Variants in TRPM3 observed in about 807,000 individuals in gnomAD.
TRPM3 encodes long transient receptor potential channel 3.
A neutral mutation model predicts 181.2 loss-of-function variants in TRPM3; 77 were observed. The ratio of observed to expected loss-of-function variants is 0.42; its 90% CI spans 0.35 to 0.51. TRPM3 has a LOEUF of 0.51. TRPM3 is among the 20% of genes least tolerant of loss of function. The pLI is 0.01. For synonymous variants in TRPM3, 745 were observed against 796.4 expected, an observed-to-expected ratio of 0.94 and a Z score of 1.09; for missense variants, 1,759 against 2,196.7, an observed-to-expected ratio of 0.80 and a Z score of 3.98.
At chr9:71,212,748 A>C (rs1170527955) in intron 1 of TRPM3, among the ~76,000 whole-genome samples, 1 of 152,234 alleles carries the variant, frequency 6.6e-6, no homozygotes, top group Non-Finnish European at 1.5e-5. Context: ...TTTCTTAAAG[A>C]AAAAGGGCTG....
At chr9:71,026,257 G>A (rs956038019) in intron 1 of TRPM3, among the ~76,000 whole-genome samples, 1 of 152,150 alleles carries the variant, frequency 6.6e-6, no homozygotes, top group African/African-American at 2.4e-5. Flanking sequence ...ATCAGATGGG[G>A]CAGGTCTGAC....
intron 9 of TRPM3, among the ~76,000 whole-genome samples, chr9:70,645,584 A>G (rs892913899): frequency 6.6e-6 from 1 of 151,266 alleles, no homozygotes; most frequent in Non-Finnish European, 1.5e-5. Flanking sequence ...ACTTAAACAT[A>G]TAACCTAAAA....
intron 1 of TRPM3, among the ~76,000 whole-genome samples, chr9:71,133,080 G>A (rs190772487): frequency 6.6e-6 from 1 of 152,106 alleles, no homozygotes; most frequent in Admixed American, 6.5e-5. Flanking sequence ...TTTCCAAATT[G>A]CTATCCAGTA....
At chr9:70,795,902 T>C (rs867117837) in intron 6 of TRPM3, among the ~76,000 whole-genome samples, 8 of 152,342 alleles carry the variant, frequency 5.3e-5, no homozygotes, top group Middle Eastern at 3.4e-3. Flanking sequence ...AGAAAAAGGA[T>C]GGCCAATCCC....
rs778849121 is a variant in TRPM3, at chr9:70,598,589, C to T, written c.2878G>A (p.Ala960Thr). ...ATTCCGACAGAAAACAGAAGGATGG[C>T]GATGAGGTCCGTGACATTCCAGTAC... ...QEYWNVTDLI[A>T]ILLFSVGMIL... The change falls in exon 21 of 26, where the codon GCC (alanine) becomes ACC (threonine). Residue 960 changes from alanine to threonine, a missense_variant. Coordinates refer to ENST00000677713, the MANE Select transcript of TRPM3 (RefSeq NM_001366145.2). The T allele has an allele frequency of 3.4e-5, 55 of 1,614,066 alleles. No homozygotes were observed. The highest frequency in any genetic ancestry group is 1.0e-4 in the Admixed American group (6 of 59,994).
chr9:71,313,468 A>G (rs1420539831), intron 1 of TRPM3, among the ~76,000 whole-genome samples: 1 of 152,200 alleles, frequency 6.6e-6, no homozygotes, highest in Non-Finnish European at 1.5e-5. Context: ...GATGTCATTT[A>G]TGTTTCATTC....
At chr9:71,425,028 AACCCTCTT>A (rs369300768) in intron 1 of TRPM3, among the ~76,000 whole-genome samples, 43 of 152,240 alleles carry the variant, frequency 2.8e-4, no homozygotes, top group African/African-American at 1.0e-3. Context: ...AAGAGGATTC[AACCCTCTT>A]AATCACTTTT....
chr9:71,216,642 T>G (rs2079882927), intron 1 of TRPM3, among the ~76,000 whole-genome samples: 1 of 152,208 alleles, frequency 6.6e-6, no homozygotes, highest in Non-Finnish European at 1.5e-5. Context: ...TGCACTGAAC[T>G]CAATATTCTT....
intron 1 of TRPM3, among the ~76,000 whole-genome samples, chr9:71,369,125 A>G (rs1161424648): frequency 2.6e-5 from 4 of 152,172 alleles, no homozygotes; most frequent in Non-Finnish European, 5.9e-5. Context: ...AAAACCTCAG[A>G]AAAGCAGAAG....
intron 1 of TRPM3, among the ~76,000 whole-genome samples, chr9:71,097,070 C>G (rs1331167341): frequency 6.6e-6 from 1 of 152,066 alleles, no homozygotes; most frequent in African/African-American, 2.4e-5. Context: ...TATGTCCTTC[C>G]CGACTCTGGC....
At chr9:71,432,804 G>A (rs2093978168) in intron 1 of TRPM3, among the ~76,000 whole-genome samples, 2 of 152,164 alleles carry the variant, frequency 1.3e-5, no homozygotes, top group African/African-American at 4.8e-5. Context: ...TCTGGGCAAT[G>A]TGTTGGTGAC....
At chr9:70,908,469 T>C (rs1255812302) in intron 1 of TRPM3, among the ~76,000 whole-genome samples, 1 of 152,162 alleles carries the variant, frequency 6.6e-6, no homozygotes, top group Admixed American at 6.5e-5. Context: ...GCTCAAGAAA[T>C]GTGGGGCCAA....
chr9:71,087,355 C>T (rs2065448534), intron 1 of TRPM3, among the ~76,000 whole-genome samples: 2 of 152,178 alleles, frequency 1.3e-5, no homozygotes, highest in African/African-American at 2.4e-5. Flanking sequence ...ATCCCATTTC[C>T]TGGGAAAGAT....
intron 1 of TRPM3, among the ~76,000 whole-genome samples, chr9:71,285,286 C>A (rs1408053845): frequency 6.6e-6 from 1 of 152,216 alleles, no homozygotes; most frequent in Non-Finnish European, 1.5e-5. Context: ...TTAAATCTTT[C>A]CCATTGCTGT....
At chr9:70,969,362 G>A (rs538681400) in intron 1 of TRPM3, among the ~76,000 whole-genome samples, 145 of 151,968 alleles carry the variant, frequency 9.5e-4, no homozygotes, top group African/African-American at 3.3e-3. Context: ...ACCATGTCAC[G>A]TGTACACCTA....
chr9:71,408,519 A>G (rs1413710555), intron 1 of TRPM3, among the ~76,000 whole-genome samples: 1 of 152,220 alleles, frequency 6.6e-6, no homozygotes, highest in Non-Finnish European at 1.5e-5. Context: ...TGAAGATCAA[A>G]TGAATGAAAT....
intron 1 of TRPM3, among the ~76,000 whole-genome samples, chr9:71,188,256 TC>T (rs2077804673): frequency 6.6e-6 from 1 of 151,810 alleles, no homozygotes; most frequent in African/African-American, 2.4e-5. Flanking sequence ...GAGTGCATGC[TC>T]CCCCACATCC....
chr9:71,199,273 G>T (rs1029664275), intron 1 of TRPM3, among the ~76,000 whole-genome samples: 74 of 152,026 alleles, frequency 4.9e-4, no homozygotes, highest in African/African-American at 1.7e-3. Context: ...GATTCAGTTT[G>T]CCAGTATTTT....
intron 12 of TRPM3, among the ~76,000 whole-genome samples, chr9:70,629,209 C>A (rs548846301): frequency 0.013 from 124 of 9,308 alleles, 2 homozygotes; most frequent in Non-Finnish European, 0.027. Context: ...ATTCTGTGAC[C>A]AGTGCCGGGG....
Sources: gnomAD v4.1 joint callset for allele counts (sites outside exome capture counted in the v4.1 genomes callset) on GRCh38, gnomAD v4.1.1 for gene constraint, MANE v1.5 for transcripts, NCBI Gene and HGNC (gene_info 2026-07-23, HGNC 2026-07-21) for gene names.